POLA1: variants seen among roughly 807,000 people sequenced by gnomAD.
POLA1 encodes DNA polymerase alpha 1, catalytic subunit.
Under a neutral mutation model 124.0 loss-of-function variants are expected in POLA1, and 15 were observed. The observed-to-expected ratio is 0.12, with a 90% CI of 0.08 to 0.19. The LOEUF is 0.19. POLA1 is among the 10% of genes least tolerant of loss of function. The pLI, the probability that POLA1 is intolerant of heterozygous loss-of-function variation, is 1.00. For missense variants in POLA1, 886 were observed against 1,103.4 expected, an observed-to-expected ratio of 0.80 and a Z score of 2.79; for synonymous variants, 408 against 389.4, an observed-to-expected ratio of 1.05 and a Z score of -0.56.
intron 35 of POLA1, among the ~76,000 whole-genome samples, chrX:24,911,013 A>C (rs2147179717): frequency 8.9e-6 from 1 of 112,435 alleles, no homozygotes; most frequent in African/African-American, 3.2e-5. Flanking sequence ...AAAAATTGAA[A>C]TCACACAAAT....
Position 24,757,436 on chromosome X carries a change from C to CTTTTTT in POLA1, c.2964+8460_2964+8465dup, listed in dbSNP as rs66782103. On this transcript the variant is annotated intron_variant, in intron 26 of 36. Transcript: ENST00000379068. ...ATCTGAAATGCTCCAAAATCTGAAA[C>CTTTTTT]TTTTTTTTTTTTTTTTTTTTTGAGA... 4.7e-3 allele frequency among the ~76,000 whole-genome samples: 293 copies of CTTTTTT among 62,110 alleles called. 31 individuals carry two copies. Among genetic ancestry groups the CTTTTTT allele is most frequent in the African/African-American group, 0.023 (279 of 12,202 alleles). The allele number at this position is 62,110 out of a possible 115,157, so 53.9% of individuals were successfully genotyped here. A position where few individuals can be genotyped will look rare whatever the true frequency, so the allele number is the denominator to read the frequency against.
At chrX:24,890,088 ATTT>A (rs72081141) in intron 35 of POLA1, among the ~76,000 whole-genome samples, 10 of 77,741 alleles carry the variant, frequency 1.3e-4, no homozygotes, top group Non-Finnish European at 4.9e-5. Context: ...TTTCAGTACG[ATTT>A]TTTTTTTTTT....
intron 32 of POLA1, among the ~76,000 whole-genome samples, chrX:24,826,971 G>A (rs1037172185): frequency 1.8e-5 from 2 of 112,040 alleles, no homozygotes; most frequent in Non-Finnish European, 3.8e-5. Flanking sequence ...TTGATTATTG[G>A]TTCATCTTGT....
At chrX:24,804,190 T>C (rs1478826823) in intron 26 of POLA1, among the ~76,000 whole-genome samples, 1 of 110,579 alleles carries the variant, frequency 9.0e-6, no homozygotes, top group Non-Finnish European at 1.9e-5. Flanking sequence ...TTGAACATTT[T>C]TAGAGGAAGA....
At chrX:24,762,551 G>A (rs1478833382) in intron 26 of POLA1, among the ~76,000 whole-genome samples, 2 of 110,758 alleles carry the variant, frequency 1.8e-5, no homozygotes, top group African/African-American at 6.6e-5. Flanking sequence ...TCTAGAGTGA[G>A]GGCTAGCATG....
intron 35 of POLA1, among the ~76,000 whole-genome samples, chrX:24,903,293 C>T: frequency 8.9e-6 from 1 of 112,894 alleles, no homozygotes; most frequent in East Asian, 2.8e-4. Context: ...CTCGTTTTGT[C>T]TTGATGATTA....
intron 35 of POLA1, among the ~76,000 whole-genome samples, chrX:24,888,794 T>G (rs1455463267): frequency 4.6e-5 from 5 of 108,327 alleles, no homozygotes; most frequent in Admixed American, 2.0e-4. Context: ...CAGGATGGTC[T>G]TGATCTCTTG....
chrX:24,794,999 G>T (rs1016380409), intron 26 of POLA1, among the ~76,000 whole-genome samples: 2 of 110,351 alleles, frequency 1.8e-5, no homozygotes, highest in African/African-American at 6.6e-5. Flanking sequence ...TGGTATAGGG[G>T]AAAAAAGAAA....
At chrX:24,734,470 T>C (rs1245425918) in intron 17 of POLA1, 1 of 112,248 alleles carries the variant, frequency 8.9e-6, no homozygotes, top group Non-Finnish European at 1.9e-5. Context: ...CTGACAAAAG[T>C]AAGCAACCTT....
chrX:24,844,368 C>T (rs1211186521), intron 34 of POLA1, among the ~76,000 whole-genome samples: 1 of 109,830 alleles, frequency 9.1e-6, no homozygotes, highest in Non-Finnish European at 1.9e-5. Flanking sequence ...ACATTTCCCA[C>T]GTGATTTTTC....
chrX:24,932,965 C>T (rs965552677), intron 36 of POLA1, among the ~76,000 whole-genome samples: 9 of 111,741 alleles, frequency 8.1e-5, no homozygotes, highest in Non-Finnish European at 1.7e-4. Context: ...GGTTTCCTAA[C>T]ACATGACATC....
chrX:24,854,283 G>T (rs1434094923), intron 34 of POLA1, among the ~76,000 whole-genome samples: 2 of 110,453 alleles, frequency 1.8e-5, no homozygotes, highest in Non-Finnish European at 3.8e-5. Context: ...TGACCCAGGT[G>T]ATTCACCCCC....
At chrX:24,921,523 C>G (rs1269724744) in intron 35 of POLA1, among the ~76,000 whole-genome samples, 1 of 112,094 alleles carries the variant, frequency 8.9e-6, no homozygotes, top group Non-Finnish European at 1.9e-5. Context: ...CTCTTGTCCC[C>G]TGATGTAGCC....
At chrX:24,713,266 C>T (rs1318871332) in intron 4 of POLA1, among the ~76,000 whole-genome samples, 1 of 108,818 alleles carries the variant, frequency 9.2e-6, no homozygotes, top group African/African-American at 3.4e-5. Context: ...CCTGGCCTAC[C>T]ACATTCTTTC....
Position 24,769,454 on chromosome X carries a change from TC to T in POLA1, c.2964+20463del, listed in dbSNP as rs1299150764. Among the ~76,000 whole-genome samples the T allele has an allele frequency of 2.7e-5, 3 of 111,894 alleles. No individual in the cohort carries two copies. In the East Asian group the frequency reaches 8.4e-4, roughly 31 times the overall value. On this transcript the variant is annotated intron_variant, in intron 26 of 36. Coordinates refer to ENST00000379068, the MANE Select transcript of POLA1 (RefSeq NM_001330360.2). ...GCAGCCTGTCTTCTTAATTCCTGAATCTTGCTATAGCCTAGGTCCCAAGGAA... is the reference window on the plus strand; with the variant it reads ...GCAGCCTGTCTTCTTAATTCCTGAATTTGCTATAGCCTAGGTCCCAAGGAA...
chrX:24,781,788 G>T (rs989023306), intron 26 of POLA1, among the ~76,000 whole-genome samples: 7 of 111,507 alleles, frequency 6.3e-5, no homozygotes, highest in Admixed American at 1.9e-4. Context: ...AATGTGTATT[G>T]TATCAAGTAA....
chrX:24,779,093 T>G (rs2045205813), intron 26 of POLA1, among the ~76,000 whole-genome samples: 1 of 110,579 alleles, frequency 9.0e-6, no homozygotes, highest in Non-Finnish European at 1.9e-5. Flanking sequence ...TCTTTTTTTT[T>G]TTGAGATGGA....
At chrX:24,696,505 A>G (rs1373191444) in intron 1 of POLA1, among the ~76,000 whole-genome samples, 1 of 111,773 alleles carries the variant, frequency 8.9e-6, no homozygotes, top group East Asian at 2.8e-4. Flanking sequence ...TCCTTGTGAC[A>G]CTAGCTTCTG....
At chrX:24,840,204 T>C (rs987744288) in intron 32 of POLA1, among the ~76,000 whole-genome samples, 2 of 112,740 alleles carry the variant, frequency 1.8e-5, no homozygotes, top group Admixed American at 1.9e-4. Context: ...ATTAACTTCA[T>C]ATGCAGCATG....
Sources: gnomAD v4.1 joint callset for allele counts (sites outside exome capture counted in the v4.1 genomes callset) on GRCh38, gnomAD v4.1.1 for gene constraint, MANE v1.5 for transcripts, NCBI Gene and HGNC (gene_info 2026-07-23, HGNC 2026-07-21) for gene names.